Variants in CCDC141 observed in about 807,000 individuals in gnomAD.
The protein encoded by CCDC141 is coiled-coil domain-containing protein 141.
Under a neutral mutation model 181.0 loss-of-function variants are expected in CCDC141, and 168 were observed. The observed-to-expected ratio is 0.93, with a 90% CI of 0.82 to 1.05. CCDC141 has a LOEUF of 1.05. Among genes scored for constraint, CCDC141 ranks in the 50% least tolerant of loss-of-function variants. The pLI, the probability that CCDC141 is intolerant of heterozygous loss-of-function variation, is 0.00. For synonymous variants in CCDC141, 666 were observed against 642.3 expected, an observed-to-expected ratio of 1.04 and a Z score of -0.56; for missense variants, 1,902 against 1,788.5, an observed-to-expected ratio of 1.06 and a Z score of -1.14.
chr2:178,988,452 T>C (rs966644912), intron 2 of CCDC141, among the ~76,000 whole-genome samples: 11 of 150,772 alleles, frequency 7.3e-5, no homozygotes, highest in African/African-American at 2.4e-4. Flanking sequence ...ACATGTACCC[T>C]AAAACTTAAA....
At chr2:178,935,730 T>A (rs1689259766) in intron 6 of CCDC141, among the ~76,000 whole-genome samples, 1 of 152,124 alleles carries the variant, frequency 6.6e-6, no homozygotes, top group African/African-American at 2.4e-5. Flanking sequence ...CAATGGTGTA[T>A]AAGTGTTCCC....
intron 6 of CCDC141, among the ~76,000 whole-genome samples, chr2:178,939,215 T>C (rs1689409817): frequency 6.6e-6 from 1 of 152,194 alleles, no homozygotes; most frequent in Non-Finnish European, 1.5e-5. Flanking sequence ...GCCCATGCTG[T>C]CCCCATACTG....
chr2:178,947,533 T>C (rs779378239), intron 5 of CCDC141, among the ~76,000 whole-genome samples: 4 of 152,230 alleles, frequency 2.6e-5, no homozygotes, highest in Non-Finnish European at 5.9e-5. Flanking sequence ...ATTAATTTGA[T>C]AGGGCATTCT....
intron 2 of CCDC141, among the ~76,000 whole-genome samples, chr2:178,989,754 T>A (rs1198499098): frequency 6.8e-6 from 1 of 145,996 alleles, no homozygotes; most frequent in African/African-American, 2.5e-5. Flanking sequence ...GATGCTCAAA[T>A]GATTAGTCTT....
At chr2:178,848,744 A>C (rs890978275) in intron 21 of CCDC141, among the ~76,000 whole-genome samples, 1 of 152,148 alleles carries the variant, frequency 6.6e-6, no homozygotes, top group African/African-American at 2.4e-5. Flanking sequence ...TTCGTATTGG[A>C]AGTCAGAAGC....
chr2:178,842,728 C>G (rs1033582261), intron 22 of CCDC141, among the ~76,000 whole-genome samples: 6 of 152,142 alleles, frequency 3.9e-5, no homozygotes, highest in Non-Finnish European at 7.3e-5. Context: ...GTAGGAAGAA[C>G]ACAAAGGAAG....
At chr2:178,945,504 A>G (rs933572008) in intron 5 of CCDC141, among the ~76,000 whole-genome samples, 1 of 152,158 alleles carries the variant, frequency 6.6e-6, no homozygotes, top group African/African-American at 2.4e-5. Flanking sequence ...ACAGCCACAT[A>G]GTAAGTAGCA....
chr2:179,017,880 C>T (rs1184898321), intron 2 of CCDC141, among the ~76,000 whole-genome samples: 1 of 152,110 alleles, frequency 6.6e-6, no homozygotes, highest in East Asian at 1.9e-4. Context: ...TGAAAAATGG[C>T]TTGCCTCAAG....
At position 178,837,026 on chromosome 2, in the gene CCDC141, T is replaced by C; in HGVS notation, c.4193A>G (p.Lys1398Arg). Residue 1398 changes from lysine (K) to arginine (R), a missense_variant, in exon 23 of 24, where the codon AAG becomes AGG. Physicochemically the swap from Lys to Arg is conservative, Grantham distance 26. Coordinates refer to ENST00000443758, the MANE Select transcript of CCDC141 (RefSeq NM_173648.4). The part of the protein sequence containing the change: ...PREEIKSTSA[K>R]SSVVSLADQA... ...GTCAGCTAGGCTGACCACGCTGCTC[T>C]TTGCTGATGTGCTTTTAATCTCTTC... The C allele has an allele frequency of 6.2e-7, 1 of 1,614,050 alleles. No homozygotes were observed. The highest frequency in any genetic ancestry group is 8.5e-7 in the Non-Finnish European group (1 of 1,179,958).
At chr2:178,947,255 T>C (rs542564990) in intron 5 of CCDC141, among the ~76,000 whole-genome samples, 35 of 152,292 alleles carry the variant, frequency 2.3e-4, no homozygotes, top group African/African-American at 7.9e-4. Flanking sequence ...TTTTAAATTA[T>C]GTCAGCTGCT....
chr2:178,889,209 TA>T (rs11324020), intron 8 of CCDC141, among the ~76,000 whole-genome samples: 117,759 of 150,668 alleles, frequency 0.78, 46,041 homozygotes, highest in East Asian at 0.91. Context: ...TACTTGTTGA[TA>T]AAAAAAAAAA....
chr2:178,844,052 G>T (rs1305646554), intron 22 of CCDC141, among the ~76,000 whole-genome samples: 1 of 151,956 alleles, frequency 6.6e-6, no homozygotes, highest in Admixed American at 6.6e-5. Flanking sequence ...TAATTTAAAG[G>T]AATCTGTTTC....
At chr2:178,889,127 A>G (rs1687025888) in intron 8 of CCDC141, among the ~76,000 whole-genome samples, 1 of 152,178 alleles carries the variant, frequency 6.6e-6, no homozygotes, top group Non-Finnish European at 1.5e-5. Context: ...CTTGTTCTCA[A>G]TGATTATGAA....
chr2:179,013,038 C>T (rs907538335), intron 2 of CCDC141, among the ~76,000 whole-genome samples: 1 of 152,070 alleles, frequency 6.6e-6, no homozygotes, highest in Non-Finnish European at 1.5e-5. Flanking sequence ...TGAAAGCATG[C>T]CCTCTAAGAA....
intron 2 of CCDC141, among the ~76,000 whole-genome samples, chr2:178,998,597 G>A (rs962835184): frequency 1.2e-4 from 18 of 151,902 alleles, no homozygotes; most frequent in Non-Finnish European, 1.9e-4. Context: ...TTTGGTCAAC[G>A]CCAGTAATCT....
chr2:178,948,112 G>T (rs1296569503), intron 5 of CCDC141, among the ~76,000 whole-genome samples: 1 of 151,734 alleles, frequency 6.6e-6, no homozygotes, highest in African/African-American at 2.4e-5. Flanking sequence ...AAAGGAGGAA[G>T]ATCACCTGAA....
rs749139698 is a variant in CCDC141, at chr2:178,855,333, C to A, written c.3060+14G>T. 1.3e-6 allele frequency: 2 copies of A among 1,596,748 alleles called. No individual in the cohort carries two copies. Among genetic ancestry groups the A allele is most frequent in the Admixed American group, 3.6e-5 (2 of 56,010 alleles). ...CAACATTACAACATGGATACCACTGCAAAAAGAGAATACCTCTTCTATCAC... is the reference window on the plus strand; with the variant it reads ...CAACATTACAACATGGATACCACTGAAAAAAGAGAATACCTCTTCTATCAC... On this transcript the variant is annotated intron_variant, in intron 19 of 23. Transcript: ENST00000443758.
intron 17 of CCDC141, among the ~76,000 whole-genome samples, chr2:178,858,512 C>T (rs1685478286): frequency 6.6e-6 from 1 of 151,998 alleles, no homozygotes; most frequent in South Asian, 2.1e-4. Context: ...TTAATGAGTG[C>T]AGAGTTTCTG....
chr2:178,904,258 T>C (rs1380979026), intron 8 of CCDC141, among the ~76,000 whole-genome samples: 1 of 152,212 alleles, frequency 6.6e-6, no homozygotes, highest in Non-Finnish European at 1.5e-5. Context: ...GCCTCAACTT[T>C]TTGGCTTTTA....
Sources: gnomAD v4.1 joint callset for allele counts (sites outside exome capture counted in the v4.1 genomes callset) on GRCh38, gnomAD v4.1.1 for gene constraint, MANE v1.5 for transcripts, NCBI Gene and HGNC (gene_info 2026-07-23, HGNC 2026-07-21) for gene names.